Variants in GLS2 observed in about 807,000 individuals in gnomAD.
GLS2 encodes glutaminase liver isoform, mitochondrial.
GLS2 carries 52 observed loss-of-function variants against 79.0 expected under a neutral mutation model. The observed-to-expected ratio is 0.66, with a 90% CI of 0.53 to 0.83. The LOEUF (loss-of-function observed/expected upper bound fraction) is 0.83, where lower values mean the gene tolerates loss of function less well. Ranked by LOEUF, GLS2 falls within the 40% of genes least tolerant of loss-of-function variation. The pLI, the probability that GLS2 is intolerant of heterozygous loss-of-function variation, is 0.00. For synonymous variants in GLS2, 238 were observed against 280.8 expected (o/e 0.85, Z 1.52); for missense variants, 561 against 764.8 (o/e 0.73, Z 3.14).
At chr12:56,485,287 T>C (rs2638336) in intron 1 of GLS2, among the ~76,000 whole-genome samples, 145,214 of 152,218 alleles carry the variant, frequency 0.95, 69,642 homozygotes, top group East Asian at 1. Context: ...CACAGGGTCT[T>C]GCTCTGTTGC....
chr12:56,482,886 C>T (rs1298780105), intron 1 of GLS2, among the ~76,000 whole-genome samples: 6 of 151,994 alleles, frequency 3.9e-5, no homozygotes, highest in African/African-American at 1.2e-4. Context: ...CGTGAGCCAC[C>T]GCACCCAGCC....
rs1458557128 is a variant in GLS2, at chr12:56,472,721, C to T, written c.1480G>A (p.Ala494Thr). ...NKTVVNLLFA[A>T]YSGDVSALRR... ...AGAGCTGAGACATCGCCACTATAGG[C>T]AGCAAATAACAGGTTGACCACAGTC... The change falls in exon 15 of 18, where the codon GCC (alanine) becomes ACC (threonine). Residue 494 changes from alanine (A) to threonine (T), a missense_variant. Ala to Thr is a moderately conservative substitution (Grantham distance 58). This residue lies in a region of GLS2 where 136 missense variants were observed against 228.6 expected (regional missense o/e 0.59). Transcript: ENST00000311966. 2 of 1,613,712 alleles carry T rather than the reference C, an allele frequency of 1.2e-6. No individual in the cohort carries two copies. The highest frequency in any genetic ancestry group is 2.7e-5 in the African/African-American group (2 of 74,838).
At position 56,474,352 on chromosome 12, in the gene GLS2, G is replaced by A. The variant is rs141834912; in HGVS notation, c.1224+192C>T. 1,055 of 673,670 alleles carry A rather than the reference G, an allele frequency of 1.6e-3. 9 individuals are homozygous for A. The African/African-American group carries it at 0.017, about 11-fold the overall frequency. 41.7% of individuals were successfully genotyped at this position (673,670 alleles called of 1,614,324 possible). ...GATCCACCTGCCTCGGCCTCCCAAAGACATCTCTTTATATATTCGAGGAAC... is the reference window on the plus strand; with the variant it reads ...GATCCACCTGCCTCGGCCTCCCAAAAACATCTCTTTATATATTCGAGGAAC... On this transcript the variant is annotated intron_variant, in intron 12 of 17. Transcript: ENST00000311966.
At chr12:56,478,339 T>C in intron 4 of GLS2, 77 bp from the exon 5 acceptor site, 1 of 1,476,874 alleles carries the variant, frequency 6.8e-7, no homozygotes, top group Admixed American at 1.8e-5. Flanking sequence ...GTCAAGAGAA[T>C]CTTTTAGATA....
At position 56,479,104 on chromosome 12, in the gene GLS2, G is replaced by A. The variant is rs752754136; in HGVS notation, c.482C>T (p.Thr161Met). ...KFVIPDFEEFTGHVDRIFEDV... is the reference protein window; with the variant it reads ...KFVIPDFEEFMGHVDRIFEDV... ...CTCAAAGATGCGATCCACATGGCCC[G>A]TGAACTCCTCAAAATCAGGAATGAC... Residue 161 changes from threonine (T) to methionine (M), a missense_variant, in exon 4 of 18, where the codon ACG becomes ATG. By Grantham distance (81) the Thr-to-Met change is moderately conservative. Transcript: ENST00000311966. The A allele has an allele frequency of 5.6e-6, 9 of 1,613,702 alleles. No homozygotes were observed. The African/African-American group carries it at 6.7e-5, about 12-fold the overall frequency.
Position 56,473,537 on chromosome 12 carries a change from C to T in GLS2, c.1282G>A (p.Val428Ile). The T allele has an allele frequency of 6.2e-7, 1 of 1,613,580 alleles. No homozygotes were observed. The highest frequency in any genetic ancestry group is 8.5e-7 in the Non-Finnish European group (1 of 1,180,020). ...SGAILLVVPN[V>I]MGMMCLSPPL... ...GGTGACAGGCACATCATTCCCATGA[C>T]ATTGGGTACCACCAGGAGGATGGCT... Residue 428 changes from valine to isoleucine, a missense_variant, in exon 13 of 18, where the codon GTC becomes ATC. Coordinates refer to ENST00000311966, the MANE Select transcript of GLS2 (RefSeq NM_013267.4).
chr12:56,475,653 CCCAG>C lies in GLS2; in HGVS notation c.896_899del (p.Ala299GlyfsTer41). ...CATTGCTGAAACCCATGTATTCATT[CCCAG>C]CCATTTTGTTGAGATACTGCAACAC... On this transcript the variant is annotated frameshift_variant, in exon 9 of 18. Coordinates refer to ENST00000311966, the MANE Select transcript of GLS2 (RefSeq NM_013267.4). LOFTEE classifies it high-confidence loss of function. 1 of 1,614,214 alleles carries C rather than the reference CCCAG, an allele frequency of 6.2e-7. No individual in the cohort carries two copies. Among genetic ancestry groups the C allele is most frequent in the Non-Finnish European group, 8.5e-7 (1 of 1,180,050 alleles).
intron 16 of GLS2, 76 bp from the exon 17 acceptor site, chr12:56,471,912 T>G: frequency 6.7e-7 from 1 of 1,491,724 alleles, no homozygotes; most frequent in Middle Eastern, 2.2e-4. Flanking sequence ...GCCACTGAAG[T>G]CTTTACCAAG....
rs1024228379 is a variant in GLS2 at position 56,481,268 on chromosome 12, C to T, written c.183-881G>A. Among the ~76,000 whole-genome samples the T allele has an allele frequency of 1.5e-4, 21 of 140,490 alleles. 1 individual carries two copies. The highest frequency in any genetic ancestry group is 1.0e-3 in the Admixed American group (13 of 12,660). The allele number at this position is 140,490 out of a possible 152,430, so 92.2% of individuals were successfully genotyped here. On this transcript the variant is annotated intron_variant, in intron 1 of 17. Coordinates refer to ENST00000311966, the MANE Select transcript of GLS2 (RefSeq NM_013267.4). The stretch of plus-strand genomic sequence containing the variant: ...TCGCCCAGGCTGGAGCGCAATGGCG[C>T]GATCTCGGCTCACTGCAACCTCCGC...
intron 1 of GLS2, among the ~76,000 whole-genome samples, chr12:56,486,198 T>G (rs1246385378): frequency 2.6e-5 from 4 of 152,124 alleles, no homozygotes; most frequent in Non-Finnish European, 1.5e-5. Context: ...CAACCCTTTC[T>G]GCCTGGGGAG....
chr12:56,481,199 CTT>C (rs767616017), intron 1 of GLS2, among the ~76,000 whole-genome samples: 2 of 79,022 alleles, frequency 2.5e-5, no homozygotes, highest in African/African-American at 9.4e-5. Flanking sequence ...TGCCAGTGAT[CTT>C]TTTTTTTTTT....
rs1270153888 is a variant in GLS2, at chr12:56,471,044, G to A, written c.*443C>T. On this transcript the variant is annotated 3_prime_UTR_variant, in exon 18 of 18. Coordinates refer to ENST00000311966, the MANE Select transcript of GLS2 (RefSeq NM_013267.4). ...GTAGCAGCAGCATGTCCTGGCCAAG[G>A]GGAGTAGATTTCTCCAGACTACTAA... 2 of 273,186 alleles carry A rather than the reference G, an allele frequency of 7.3e-6. No individual in the cohort carries two copies. Among genetic ancestry groups the A allele is most frequent in the African/African-American group, 4.4e-5 (2 of 45,884 alleles). 16.9% of individuals were successfully genotyped at this position (273,186 alleles called of 1,614,324 possible).
Position 56,475,231 on chromosome 12 carries a change from A to G in GLS2, c.930-121T>C, listed in dbSNP as rs773398155. ...CACCACAAACTAAATGAACCCCTTTATAACTTCTCACAGTAATATTAGAGG... is the reference window on the plus strand; with the variant it reads ...CACCACAAACTAAATGAACCCCTTTGTAACTTCTCACAGTAATATTAGAGG... On this transcript the variant is annotated intron_variant, in intron 9 of 17. Transcript: ENST00000311966. 8.2e-6 allele frequency: 13 copies of G among 1,594,812 alleles called. No homozygotes were observed. In the Admixed American group the frequency reaches 8.5e-5, roughly 10 times the overall value.
At chr12:56,486,912 C>G (rs1312260083) in intron 1 of GLS2, among the ~76,000 whole-genome samples, 2 of 150,740 alleles carry the variant, frequency 1.3e-5, no homozygotes, top group Non-Finnish European at 3.0e-5. Flanking sequence ...TAAATAATAC[C>G]TATTGGTGTC....
At chr12:56,472,822 T>G (rs867382834) in intron 14 of GLS2, 71 bp from the exon 15 acceptor site, 33 of 1,250,300 alleles carry the variant, frequency 2.6e-5, no homozygotes, top group Non-Finnish European at 3.9e-5. Context: ...GTGACCCTCC[T>G]CCATGGATGC....
In GLS2 at chr12:56,477,951, G is replaced by C. The variant is rs764599794; in HGVS notation, c.760C>G (p.Leu254Val). The C allele has an allele frequency of 3.7e-6, 6 of 1,613,656 alleles. No homozygotes were observed. The Admixed American group carries it at 1.0e-4, about 27-fold the overall frequency. ...TGCTCACCTTCCTCATTGAGGGAGA[G>C]CTTGTTGTAGCGCAGGCCACTTGGC... ...KEPSGLRYNK[L>V]SLNEEGIPHN... is the part of the protein sequence containing the mutation. The change falls in exon 6 of 18, where the codon CTC becomes GTC. Residue 254 changes from leucine to valine, a missense_variant. Leu to Val is a conservative substitution (Grantham distance 32). Around this residue, in one of 4 missense-constraint regions of GLS2, gnomAD observed 221 missense variants for 275.6 expected, o/e 0.80. Transcript: ENST00000311966.
At chr12:56,482,157 G>A (rs1262794040) in intron 1 of GLS2, among the ~76,000 whole-genome samples, 1 of 152,080 alleles carries the variant, frequency 6.6e-6, no homozygotes, top group African/African-American at 2.4e-5. Context: ...CCTGAGCCTG[G>A]GAGGTGGAGG....
intron 9 of GLS2, chr12:56,475,325 A>C: frequency 8.0e-7 from 1 of 1,250,036 alleles, no homozygotes; most frequent in Non-Finnish European, 1.1e-6. Flanking sequence ...AAACACCCCA[A>C]ACTGTCTAGT....
chr12:56,484,046 C>T (rs1276589573), intron 1 of GLS2, among the ~76,000 whole-genome samples: 1 of 151,946 alleles, frequency 6.6e-6, no homozygotes, highest in Non-Finnish European at 1.5e-5. Context: ...CTAAGGTGGG[C>T]GGATCATGAG....
Sources: allele counts gnomAD v4.1 joint callset (sites outside exome capture counted in the v4.1 genomes callset), GRCh38; gene constraint gnomAD v4.1.1; regional missense constraint gnomAD v4.1.1; transcripts MANE v1.5; gene names NCBI Gene and HGNC (gene_info 2026-07-23, HGNC 2026-07-21).